PROX1: variants seen among roughly 807,000 people sequenced by gnomAD.
The protein encoded by PROX1 is prospero homeobox protein 1.
PROX1 carries 7 observed loss-of-function variants against 58.8 expected under a neutral mutation model. The observed-to-expected ratio is 0.12, with a 90% CI of 0.07 to 0.22. The LOEUF is 0.22. Among genes scored for constraint, PROX1 ranks in the 10% least tolerant of loss-of-function variants. The pLI is 1.00. For missense variants in PROX1, 675 were observed against 927.8 expected (o/e 0.73, Z 3.54); for synonymous variants, 350 against 358.3 (o/e 0.98, Z 0.26).
chr1:214,025,944 G>A (rs370113931), intron 4 of PROX1, among the ~76,000 whole-genome samples: 3 of 152,248 alleles, frequency 2.0e-5, no homozygotes, highest in East Asian at 3.9e-4. Context: ...TTACAGGCGT[G>A]AGCCACCGCA....
rs547424233 is a variant in PROX1 at position 214,039,275 on chromosome 1, G to A, written c.*3441G>A. 1 of 152,248 alleles carries A rather than the reference G, an allele frequency of 6.6e-6. No homozygotes were observed. The highest frequency in any genetic ancestry group is 6.5e-5 in the Admixed American group (1 of 15,284). The allele number at this position is 152,248 out of a possible 1,614,324, so 9.4% of individuals were successfully genotyped here. ...TAATGAGGACGTTTCACATTAAATG[G>A]TAAAACACATGGAAGATGTTAGAAT... On this transcript the variant is annotated 3_prime_UTR_variant, in exon 5 of 5. Coordinates refer to ENST00000366958, the MANE Select transcript of PROX1 (RefSeq NM_001270616.2).
intron 4 of PROX1, among the ~76,000 whole-genome samples, chr1:214,014,265 A>G (rs1364535149): frequency 2.0e-5 from 3 of 152,188 alleles, no homozygotes; most frequent in Non-Finnish European, 4.4e-5. Context: ...TTACTTTTGT[A>G]TTTAAGTTTC....
intron 2 of PROX1, among the ~76,000 whole-genome samples, chr1:214,003,962 T>TTTGTG (rs1553289681): frequency 8.8e-6 from 1 of 113,412 alleles, no homozygotes; most frequent in Non-Finnish European, 2.0e-5. Flanking sequence ...TGTTGGGTAG[T>TTTGTG]TGTGTGAGTG....
Position 214,037,237 on chromosome 1 carries a change from A to C in PROX1, c.*1403A>C, listed in dbSNP as rs1664857238. On this transcript the variant is annotated 3_prime_UTR_variant, in exon 5 of 5. Transcript: ENST00000366958. ...GTATGGCATTCACACTTTTTTTCTT[A>C]GGTGGGTTTTTGTGTCCAGATGCAG... 1 of 151,942 alleles carries C rather than the reference A, an allele frequency of 6.6e-6. No homozygotes were observed. Among genetic ancestry groups the C allele is most frequent in the Admixed American group, 6.6e-5 (1 of 15,258 alleles). The allele number at this position is 151,942 out of a possible 1,614,324, so 9.4% of individuals were successfully genotyped here.
intron 4 of PROX1, among the ~76,000 whole-genome samples, chr1:214,018,193 T>C (rs7540694): frequency 0.03 from 4,624 of 152,296 alleles, 240 homozygotes; most frequent in African/African-American, 0.1. Flanking sequence ...TTCTTCATTT[T>C]TCCCCCCGCA....
intron 4 of PROX1, among the ~76,000 whole-genome samples, chr1:214,023,051 C>T (rs1664336631): frequency 6.6e-6 from 1 of 152,152 alleles, no homozygotes; most frequent in African/African-American, 2.4e-5. Context: ...CTCAACAGTG[C>T]CCTTGGAGAC....
At chr1:214,012,548 G>C (rs1349952476) in intron 4 of PROX1, among the ~76,000 whole-genome samples, 1 of 152,184 alleles carries the variant, frequency 6.6e-6, no homozygotes. Context: ...CTCTCTGTGA[G>C]ACAACACTAG....
At chr1:214,006,055 G>T (rs1451391181) in intron 3 of PROX1, among the ~76,000 whole-genome samples, 1 of 151,902 alleles carries the variant, frequency 6.6e-6, no homozygotes, top group East Asian at 1.9e-4. Flanking sequence ...ACATAGATTG[G>T]GTTTTGATGA....
chr1:214,000,373 T>G (rs1663457254), intron 2 of PROX1, among the ~76,000 whole-genome samples: 1 of 152,214 alleles, frequency 6.6e-6, no homozygotes, highest in Non-Finnish European at 1.5e-5. Context: ...ATAAGTTCCT[T>G]TTATTTTGAT....
chr1:214,014,372 A>G (rs1259632673), intron 4 of PROX1, among the ~76,000 whole-genome samples: 2 of 152,220 alleles, frequency 1.3e-5, no homozygotes, highest in East Asian at 1.9e-4. Context: ...GAGCTAAACC[A>G]TGGTAGAGGG....
chr1:214,014,596 A>G (rs1664029127), intron 4 of PROX1, among the ~76,000 whole-genome samples: 1 of 152,258 alleles, frequency 6.6e-6, no homozygotes, highest in African/African-American at 2.4e-5. Context: ...TTACCAAAAT[A>G]GGGCTTATTT....
intron 2 of PROX1, among the ~76,000 whole-genome samples, chr1:213,999,757 A>G (rs942840113): frequency 6.6e-6 from 1 of 152,212 alleles, no homozygotes; most frequent in Non-Finnish European, 1.5e-5. Context: ...AATTCAATCC[A>G]CCAGCCATGA....
chr1:214,021,025 A>G (rs1664261432), intron 4 of PROX1, among the ~76,000 whole-genome samples: 1 of 152,252 alleles, frequency 6.6e-6, no homozygotes, highest in African/African-American at 2.4e-5. Context: ...GTAGCCAACA[A>G]GGTGAGAAGA....
In PROX1 at chr1:214,036,713, T is replaced by A. The variant is rs1664841888; in HGVS notation, c.*879T>A. ...TTTACGCTGCTCAACTTTGTTTATA[T>A]GCTTAAAAGGATTCTGTTTACTTAA... On this transcript the variant is annotated 3_prime_UTR_variant, in exon 5 of 5. Transcript: ENST00000366958. The A allele has an allele frequency of 6.6e-6, 1 of 152,262 alleles. No individual in the cohort carries two copies. The highest frequency in any genetic ancestry group is 6.5e-5 in the Admixed American group (1 of 15,288). The allele number at this position is 152,262 out of a possible 1,614,324, so 9.4% of individuals were successfully genotyped here.
At chr1:213,986,025 C>G (rs1363462231), upstream of PROX1, 1 of 152,236 alleles carries the variant, frequency 6.6e-6, no homozygotes, top group African/African-American at 2.4e-5. Context: ...TAGCTTTGAT[C>G]CATTCTCAGA....
At chr1:214,021,256 C>G (rs577442024) in intron 4 of PROX1, among the ~76,000 whole-genome samples, 4 of 152,356 alleles carry the variant, frequency 2.6e-5, no homozygotes, top group African/African-American at 9.6e-5. Flanking sequence ...GAATATACCA[C>G]TCCTTAAGAT....
Position 214,009,196 on chromosome 1 carries a change from T to C in PROX1, c.1834-2325T>C, listed in dbSNP as rs955758664. Among the ~76,000 whole-genome samples, 15 of 152,294 alleles carry C rather than the reference T, an allele frequency of 9.8e-5. 2 individuals are homozygous for C. The East Asian group carries it at 2.1e-3, about 22-fold the overall frequency. The stretch of plus-strand genomic sequence containing the variant: ...TTTATACATCTTTTGACCATGCTCA[T>C]TGAATATTTAGGAAGTTTCTTCAGC... On this transcript the variant is annotated intron_variant, in intron 3 of 4. Coordinates refer to ENST00000366958, the MANE Select transcript of PROX1 (RefSeq NM_001270616.2).
At chr1:214,031,066 T>TGCGCGC (rs1227672820) in intron 4 of PROX1, among the ~76,000 whole-genome samples, 2 of 95,070 alleles carry the variant, frequency 2.1e-5, no homozygotes, top group African/African-American at 6.4e-5. Context: ...TGTGTGTGTG[T>TGCGCGC]GCGCGCGCGC....
intron 1 of PROX1, among the ~76,000 whole-genome samples, chr1:213,991,336 G>A (rs2102681375): frequency 6.6e-6 from 1 of 152,274 alleles, no homozygotes; most frequent in East Asian, 1.9e-4. Context: ...CATTGGCTTT[G>A]TGTTTGGGTA....
Sources: allele counts gnomAD v4.1 joint callset (sites outside exome capture counted in the v4.1 genomes callset), GRCh38; gene constraint gnomAD v4.1.1; transcripts MANE v1.5; gene names NCBI Gene and HGNC (gene_info 2026-07-23, HGNC 2026-07-21).